Variants in MCF2L2 observed in about 807,000 individuals in gnomAD.
The protein encoded by MCF2L2 is probable guanine nucleotide exchange factor MCF2L2.
A neutral mutation model predicts 150.2 loss-of-function variants in MCF2L2; 102 were observed. The observed-to-expected ratio is 0.68, with a 90% CI of 0.58 to 0.80. The LOEUF (loss-of-function observed/expected upper bound fraction) is 0.80, where lower values mean the gene tolerates loss of function less well. MCF2L2 is among the 30% of genes least tolerant of loss of function. The pLI is 0.00. For synonymous variants in MCF2L2, 465 were observed against 491.3 expected (o/e 0.95, Z 0.71); for missense variants, 1,256 against 1,372.8 (o/e 0.91, Z 1.34).
chr3:183,321,196 G>C (rs1729795258), intron 6 of MCF2L2, among the ~76,000 whole-genome samples: 1 of 152,224 alleles, frequency 6.6e-6, no homozygotes, highest in Admixed American at 6.5e-5. Flanking sequence ...CCAGCACTTT[G>C]GGAGGCCAAG....
chr3:183,199,427 C>A (rs1372723707), intron 25 of MCF2L2, among the ~76,000 whole-genome samples: 1 of 151,998 alleles, frequency 6.6e-6, no homozygotes, highest in East Asian at 1.9e-4. Flanking sequence ...CACCAAATAT[C>A]CCTGCAAACA....
intron 2 of MCF2L2, among the ~76,000 whole-genome samples, chr3:183,379,864 C>T (rs975556197): frequency 1.3e-5 from 2 of 151,530 alleles, no homozygotes; most frequent in Admixed American, 6.6e-5. Context: ...GTGTTTCTTT[C>T]ATATTTATAT....
chr3:183,303,727 C>A (rs1728967627), intron 10 of MCF2L2, among the ~76,000 whole-genome samples: 1 of 152,082 alleles, frequency 6.6e-6, no homozygotes, highest in South Asian at 2.1e-4. Context: ...TTTCTTCAGG[C>A]TCTCCTTCAA....
rs368652506 is a variant in MCF2L2, at chr3:183,238,723, C to A, written c.1863-7706G>T. ...TTCACAGAAAAGACTCTCGGCCGGG[C>A]GCGGTGGCTCACGCCTGTAATCCCA... On this transcript the variant is annotated intron_variant, in intron 15 of 29. Transcript: ENST00000328913. Among the ~76,000 whole-genome samples, 270 of 151,224 alleles carry A rather than the reference C, an allele frequency of 1.8e-3. 1 individual carries two copies. The highest frequency in any genetic ancestry group is 6.0e-3 in the African/African-American group (248 of 41,230).
Position 183,179,414 on chromosome 3 carries a change from G to A in MCF2L2, c.3311C>T (p.Ala1104Val). ...AGATAGFQAR[A>V]LRPRTSAQES ...CTGGGCGGAGGTCCTCGGGCGCAGC[G>A]CCCTCGCCTGGAAACCAGCCGTCGC... The change falls in exon 30 of 30, where the codon GCG becomes GTG. Residue 1104 changes from alanine to valine, a missense_variant. Transcript: ENST00000328913. This position sits in a 1 kb window ranked among gnomAD's most constrained non-coding sequence, Gnocchi z 4.2. 6.4e-7 allele frequency: 1 copy of A among 1,565,164 alleles called. No individual in the cohort carries two copies. Among genetic ancestry groups the A allele is most frequent in the Non-Finnish European group, 8.7e-7 (1 of 1,154,584 alleles).
chr3:183,399,204 T>G (rs1714616334), intron 1 of MCF2L2, among the ~76,000 whole-genome samples: 1 of 152,210 alleles, frequency 6.6e-6, no homozygotes, highest in South Asian at 2.1e-4. Context: ...ATTTATGCAT[T>G]ATCTACTATA....
chr3:183,305,952 T>TACTGACC lies in MCF2L2; in HGVS notation c.1113+3757_1113+3763dup, dbSNP rs1323121381. On this transcript the variant is annotated intron_variant, in intron 10 of 29. Transcript: ENST00000328913. The surrounding 1 kb of genome is among the most constrained non-coding windows in gnomAD (Gnocchi z 4.1). Reference sequence around the variant, plus strand: ...ACAACAATAGTTTCTGACCACTGACTACTGACCACCAACCATATTGCAAGC... The same window carrying TACTGACC: ...ACAACAATAGTTTCTGACCACTGACTACTGACCACTGACCACCAACCATATTGCAAGC... Among the ~76,000 whole-genome samples the TACTGACC allele has an allele frequency of 1.3e-5, 2 of 152,190 alleles. No individual in the cohort carries two copies. Among genetic ancestry groups the TACTGACC allele is most frequent in the Non-Finnish European group, 2.9e-5 (2 of 68,036 alleles).
intron 1 of MCF2L2, among the ~76,000 whole-genome samples, chr3:183,401,418 TA>T (rs201153464): frequency 2.0e-5 from 3 of 151,664 alleles, no homozygotes; most frequent in Non-Finnish European, 4.4e-5. Context: ...AAGACTTTTT[TA>T]AAAAAAAAAT....
intron 15 of MCF2L2, among the ~76,000 whole-genome samples, chr3:183,263,585 C>G (rs1335790671): frequency 2.0e-5 from 3 of 152,154 alleles, no homozygotes; most frequent in African/African-American, 7.2e-5. Context: ...TGCTGTCTCT[C>G]CACCTAGAGA....
intron 13 of MCF2L2, among the ~76,000 whole-genome samples, chr3:183,294,555 G>A (rs1728357897): frequency 6.8e-6 from 1 of 147,918 alleles, no homozygotes; most frequent in Non-Finnish European, 1.5e-5. Flanking sequence ...ATATGTATGT[G>A]TGTGTGTGTG....
intron 2 of MCF2L2, among the ~76,000 whole-genome samples, chr3:183,382,858 T>C (rs1357302359): frequency 6.6e-6 from 1 of 152,200 alleles, no homozygotes; most frequent in Non-Finnish European, 1.5e-5. Flanking sequence ...GAAGGCTTCA[T>C]GCACAGGTGA....
intron 3 of MCF2L2, among the ~76,000 whole-genome samples, chr3:183,360,737 A>G (rs1376705800): frequency 6.6e-6 from 1 of 152,096 alleles, no homozygotes; most frequent in Non-Finnish European, 1.5e-5. Context: ...TGGGAGGCTG[A>G]GGTGGGTGGA....
chr3:183,392,303 G>A (rs182645101), intron 1 of MCF2L2, among the ~76,000 whole-genome samples: 230 of 152,174 alleles, frequency 1.5e-3, no homozygotes, highest in Middle Eastern at 6.8e-3. Flanking sequence ...TGTAGAGCCC[G>A]GATCACCTGA....
Position 183,384,112 on chromosome 3 carries a change from G to C in MCF2L2, c.161-4701C>G, listed in dbSNP as rs114729433. 6.7e-3 allele frequency among the ~76,000 whole-genome samples: 1,021 copies of C among 152,326 alleles called. 11 individuals carry two copies. The highest frequency in any genetic ancestry group is 0.024 in the African/African-American group (988 of 41,564). The stretch of plus-strand genomic sequence containing the variant: ...ACATACATGCAGAACTGGTAAAAGA[G>C]TAAGAACTTAATTTCTGTTATGTGT... On this transcript the variant is annotated intron_variant, in intron 2 of 29. Transcript: ENST00000328913.
intron 13 of MCF2L2, among the ~76,000 whole-genome samples, chr3:183,289,869 GACAA>G (rs1250746728): frequency 1.3e-5 from 2 of 151,942 alleles, no homozygotes; most frequent in Non-Finnish European, 1.5e-5. Context: ...CAAACAAACA[GACAA>G]ACAAACAAAA....
rs1289586723 is a variant in MCF2L2 at position 183,323,272 on chromosome 3, A to G, written c.566T>C (p.Leu189Ser). Residue 189 changes from leucine to serine, a missense_variant, in exon 6 of 30, where the codon TTG (leucine) becomes TCG (serine). Transcript: ENST00000328913. Reference protein sequence around the residue: ...SQLTRELGGTLEYRHGQWVNH... With the variant: ...SQLTRELGGTSEYRHGQWVNH... ...TACCCACTGACCGTGGCGATATTCC[A>G]AAGTCCCCCCTAATTCCCGGGTCAG... 1 of 1,613,774 alleles carries G rather than the reference A, an allele frequency of 6.2e-7. No individual in the cohort carries two copies. The highest frequency in any genetic ancestry group is 1.7e-5 in the Admixed American group (1 of 60,020).
At chr3:183,398,699 GT>G (rs1389920395) in intron 1 of MCF2L2, among the ~76,000 whole-genome samples, 1 of 152,138 alleles carries the variant, frequency 6.6e-6, no homozygotes, top group African/African-American at 2.4e-5. Context: ...GTTATCTCTA[GT>G]TTAATTCCCC....
chr3:183,210,703 C>T (rs1004284406), intron 22 of MCF2L2, among the ~76,000 whole-genome samples: 3 of 152,108 alleles, frequency 2.0e-5, no homozygotes, highest in Non-Finnish European at 2.9e-5. Flanking sequence ...GATGGGGTGA[C>T]GTGAGTTAAG....
At chr3:183,349,597 A>G (rs1731033417) in intron 3 of MCF2L2, among the ~76,000 whole-genome samples, 1 of 152,252 alleles carries the variant, frequency 6.6e-6, no homozygotes, top group Non-Finnish European at 1.5e-5. Flanking sequence ...CATAGCTGCT[A>G]TTTATTGAGT....
Sources: allele counts gnomAD v4.1 joint callset (sites outside exome capture counted in the v4.1 genomes callset), GRCh38; gene constraint gnomAD v4.1.1; non-coding constraint Gnocchi (gnomAD v3.1); transcripts MANE v1.5; gene names NCBI Gene and HGNC (gene_info 2026-07-23, HGNC 2026-07-21).